Variants in PSD3 observed in about 807,000 individuals in gnomAD.
PSD3 encodes the protein PH and SEC7 domain-containing protein 3.
PSD3 carries 49 observed loss-of-function variants against 105.5 expected under a neutral mutation model. The observed-to-expected ratio is 0.46, with a 90% CI of 0.37 to 0.59. The LOEUF (loss-of-function observed/expected upper bound fraction) is 0.59. Among genes scored for constraint, PSD3 ranks in the 20% least tolerant of loss-of-function variants. PSD3 has a pLI of 0.00. For missense variants in PSD3, 1,561 were observed against 1,263.8 expected (o/e 1.24, Z -3.57); for synonymous variants, 557 against 457.8 (o/e 1.22, Z -2.77).
intron 8 of PSD3, among the ~76,000 whole-genome samples, chr8:18,795,271 C>G (rs184014488): frequency 6.6e-6 from 1 of 152,120 alleles, no homozygotes; most frequent in South Asian, 2.1e-4. Context: ...GGGCATGATA[C>G]TCAACATGCT....
intron 10 of PSD3, among the ~76,000 whole-genome samples, chr8:18,648,972 G>C (rs941404428): frequency 1.3e-5 from 2 of 152,272 alleles, no homozygotes; most frequent in African/African-American, 4.8e-5. Flanking sequence ...AGATGTCAGA[G>C]AATGTATGGA....
At chr8:18,547,744 C>G (rs1422160633) in intron 15 of PSD3, among the ~76,000 whole-genome samples, 2 of 152,176 alleles carry the variant, frequency 1.3e-5, no homozygotes, top group African/African-American at 2.4e-5. Context: ...TAATTTTTGA[C>G]AGTTTGATTA....
chr8:18,891,466 T>C (rs1303589646), intron 2 of PSD3, among the ~76,000 whole-genome samples: 1 of 152,216 alleles, frequency 6.6e-6, no homozygotes, highest in Non-Finnish European at 1.5e-5. Context: ...TTCTAAGTTA[T>C]TTGAGATACA....
chr8:18,949,082 C>T (rs1823038631), intron 1 of PSD3, among the ~76,000 whole-genome samples: 8 of 149,004 alleles, frequency 5.4e-5, no homozygotes, highest in Admixed American at 4.0e-4. Flanking sequence ...ATTAGCCGGG[C>T]GTGGTGGCGG....
intron 14 of PSD3, 115 bp downstream of exon 14, chr8:18,572,413 G>C: frequency 7.8e-7 from 1 of 1,288,240 alleles, no homozygotes; most frequent in South Asian, 1.4e-5. Flanking sequence ...CGCTCTCACA[G>C]GGCAAGGTCT....
At chr8:19,052,470 CAAAA>C (rs5889846) in intron 1 of PSD3, among the ~76,000 whole-genome samples, 2 of 116,156 alleles carry the variant, frequency 1.7e-5, no homozygotes. Flanking sequence ...GACTCTGTCT[CAAAA>C]AAAAAAAAAA....
chr8:18,833,871 A>G (rs1279415964), intron 4 of PSD3, among the ~76,000 whole-genome samples: 1 of 152,202 alleles, frequency 6.6e-6, no homozygotes, highest in South Asian at 2.1e-4. Context: ...TTAAGCAAAA[A>G]ATTACAACTA....
At position 19,036,415 on chromosome 8, in the gene PSD3, A is replaced by T. The variant is rs924318353; in HGVS notation, c.324+47791T>A. The stretch of plus-strand genomic sequence containing the variant: ...CCTTTAGACCCGCCTCCTGTCATTG[A>T]CCTCTCAAGTCTTGGAGGTCCCATA... On this transcript the variant is annotated intron_variant, in intron 1 of 1. Coordinates refer to the PSD3 transcript ENST00000521475. Among the ~76,000 whole-genome samples, 6 of 151,726 alleles carry T rather than the reference A, an allele frequency of 4.0e-5. No individual in the cohort carries two copies. In the East Asian group the frequency reaches 1.2e-3, roughly 29 times the overall value.
intron 9 of PSD3, among the ~76,000 whole-genome samples, chr8:18,700,133 A>G (rs138170680): frequency 2.1e-3 from 315 of 152,278 alleles, no homozygotes; most frequent in African/African-American, 7.0e-3. Flanking sequence ...AGAACCTGAA[A>G]TTAGCAACCA....
At chr8:19,026,715 A>AAAAAAC in intron 1 of PSD3, among the ~76,000 whole-genome samples, 1 of 149,876 alleles carries the variant, frequency 6.7e-6, no homozygotes, top group Non-Finnish European at 1.5e-5. Context: ...AAAAAAAAAA[A>AAAAAAC]AAAAAAAAAT....
chr8:18,963,504 C>A (rs1824052801), intron 1 of PSD3, among the ~76,000 whole-genome samples: 2 of 152,090 alleles, frequency 1.3e-5, no homozygotes, highest in Admixed American at 1.3e-4. Context: ...AACTAAATTG[C>A]AAAGCATCAA....
chr8:18,668,165 G>A (rs1051397557), intron 9 of PSD3, among the ~76,000 whole-genome samples: 4 of 152,344 alleles, frequency 2.6e-5, no homozygotes, highest in Non-Finnish European at 4.4e-5. Context: ...TTCCTCAAGC[G>A]CGGCCAGAGT....
At chr8:18,892,696 C>A (rs1012575698) in intron 2 of PSD3, among the ~76,000 whole-genome samples, 2 of 149,584 alleles carry the variant, frequency 1.3e-5, no homozygotes, top group Non-Finnish European at 3.0e-5. Flanking sequence ...GTCATCTTGG[C>A]TCACTGCAAT....
At chr8:18,894,733 T>C (rs1819026861) in intron 2 of PSD3, among the ~76,000 whole-genome samples, 1 of 152,158 alleles carries the variant, frequency 6.6e-6, no homozygotes, top group South Asian at 2.1e-4. Context: ...GCATCTGTCT[T>C]GACAATCGGA....
chr8:18,545,597 G>C (rs538787536), intron 15 of PSD3, among the ~76,000 whole-genome samples: 1 of 152,242 alleles, frequency 6.6e-6, no homozygotes, highest in South Asian at 2.1e-4. Context: ...TTTTGCCTAA[G>C]GATAAAAGTT....
At chr8:18,768,610 T>C (rs2129444048) in intron 8 of PSD3, among the ~76,000 whole-genome samples, 1 of 152,272 alleles carries the variant, frequency 6.6e-6, no homozygotes, top group East Asian at 1.9e-4. Context: ...CGCACAGGCA[T>C]CATTTTAAGG....
At chr8:18,692,973 T>C (rs1290576232) in intron 9 of PSD3, among the ~76,000 whole-genome samples, 1 of 152,082 alleles carries the variant, frequency 6.6e-6, no homozygotes, top group East Asian at 1.9e-4. Context: ...AGGTGGGAGT[T>C]TGGACTGGTA....
chr8:18,648,510 C>G (rs893664713), intron 10 of PSD3, among the ~76,000 whole-genome samples: 6 of 152,012 alleles, frequency 3.9e-5, no homozygotes, highest in African/African-American at 1.4e-4. Context: ...CTGGCTGCTT[C>G]TAACAACCTA....
chr8:18,693,659 G>A (rs1427442552), intron 9 of PSD3, among the ~76,000 whole-genome samples: 1 of 152,196 alleles, frequency 6.6e-6, no homozygotes, highest in Non-Finnish European at 1.5e-5. Flanking sequence ...CCCCCCTGTT[G>A]CAGTTGTGGT....
Sources: allele counts gnomAD v4.1 joint callset (sites outside exome capture counted in the v4.1 genomes callset), GRCh38; gene constraint gnomAD v4.1.1; transcripts MANE v1.5; gene names NCBI Gene and HGNC (gene_info 2026-07-23, HGNC 2026-07-21).